CDH13: variants seen among roughly 807,000 people sequenced by gnomAD.
CDH13 encodes cadherin-13.
Under a neutral mutation model 63.8 loss-of-function variants are expected in CDH13, and 24 were observed. The ratio of observed to expected loss-of-function variants is 0.38; its 90% CI spans 0.27 to 0.53. The LOEUF (loss-of-function observed/expected upper bound fraction) is 0.53. Ranked by LOEUF, CDH13 falls within the 20% of genes least tolerant of loss-of-function variation. The pLI is 0.85. For synonymous variants in CDH13, 503 were observed against 355.3 expected, an observed-to-expected ratio of 1.42 and a Z score of -4.67; for missense variants, 1,049 against 903.1, an observed-to-expected ratio of 1.16 and a Z score of -2.07.
At chr16:82,785,769 T>C (rs990679196) in intron 1 of CDH13, among the ~76,000 whole-genome samples, 1 of 152,222 alleles carries the variant, frequency 6.6e-6, no homozygotes, top group Non-Finnish European at 1.5e-5. Context: ...GTTATTGTTA[T>C]ATATAAAGTC....
intron 4 of CDH13, among the ~76,000 whole-genome samples, chr16:83,179,783 T>A (rs921219993): frequency 1.3e-5 from 2 of 152,170 alleles, no homozygotes; most frequent in African/African-American, 4.8e-5. Flanking sequence ...ACATTGCCCC[T>A]AGATTTAGGA....
At chr16:83,351,788 G>A (rs901350839) in intron 6 of CDH13, among the ~76,000 whole-genome samples, 2 of 152,176 alleles carry the variant, frequency 1.3e-5, no homozygotes, top group Non-Finnish European at 2.9e-5. Context: ...TCCCTATTCA[G>A]GTGATGCTTC....
intron 10 of CDH13, among the ~76,000 whole-genome samples, chr16:83,682,789 C>T (rs1199544971): frequency 6.6e-6 from 1 of 152,144 alleles, no homozygotes; most frequent in Non-Finnish European, 1.5e-5. Context: ...TCACATTAGT[C>T]ACCAGGCCCT....
In CDH13 at chr16:83,047,054, T is replaced by A. The variant is rs1002338584; in HGVS notation, c.366+14836T>A. ...GAATGTGCACTGTCAACCAACCCCT[T>A]CATCGAGTCAGGCAAATTAGGATTC... is the stretch of plus-strand genomic sequence containing the variant. On this transcript the variant is annotated intron_variant, in intron 3 of 13. Coordinates refer to ENST00000567109, the MANE Select transcript of CDH13 (RefSeq NM_001257.5). The surrounding 1 kb of genome is among the most constrained non-coding windows in gnomAD (Gnocchi z 4.9). Among the ~76,000 whole-genome samples, 15 of 152,166 alleles carry A rather than the reference T, an allele frequency of 9.9e-5. No individual in the cohort carries two copies. The highest frequency in any genetic ancestry group is 9.8e-4 in the Admixed American group (15 of 15,278).
chr16:83,492,793 C>A (rs2074044519), intron 7 of CDH13, among the ~76,000 whole-genome samples: 1 of 152,076 alleles, frequency 6.6e-6, no homozygotes, highest in African/African-American at 2.4e-5. Flanking sequence ...ATCTTGTGGC[C>A]TCATTTGCTC....
In CDH13 at chr16:83,269,944, C is replaced by G. The variant is rs2088750569; in HGVS notation, c.636+52447C>G. Among the ~76,000 whole-genome samples the G allele has an allele frequency of 3.3e-5, 5 of 152,304 alleles. No homozygotes were observed. In the South Asian group the frequency reaches 1.0e-3, roughly 32 times the overall value. ...ACAGAATTGATTGCGGCTAGATTTA[C>G]TGAGTCTTTTGAAATGGTTCTATTA... On this transcript the variant is annotated intron_variant, in intron 5 of 13. Coordinates refer to ENST00000567109, the MANE Select transcript of CDH13 (RefSeq NM_001257.5).
chr16:82,856,317 G>T (rs1043032384), intron 1 of CDH13, among the ~76,000 whole-genome samples: 1 of 148,770 alleles, frequency 6.7e-6, no homozygotes, highest in African/African-American at 2.5e-5. Context: ...GGAGCTTGCA[G>T]TGAGCAGAGA....
intron 6 of CDH13, among the ~76,000 whole-genome samples, chr16:83,454,195 A>T (rs2072960603): frequency 6.6e-6 from 1 of 152,230 alleles, no homozygotes; most frequent in South Asian, 2.1e-4. Context: ...TCAGAAAAGG[A>T]ACCTCTGTTT....
intron 1 of CDH13, among the ~76,000 whole-genome samples, chr16:82,839,206 C>T (rs577236335): frequency 6.6e-6 from 1 of 152,288 alleles, no homozygotes; most frequent in Non-Finnish European, 1.5e-5. Context: ...TTGGGGGTTA[C>T]AGTTCTTCTC....
chr16:82,906,545 A>G (rs566135980), intron 2 of CDH13, among the ~76,000 whole-genome samples: 170 of 152,310 alleles, frequency 1.1e-3, no homozygotes, highest in Non-Finnish European at 1.9e-3. Context: ...CTGGTTTCTC[A>G]TTGCCAGGAT....
chr16:82,715,396 G>T (rs1239973279), intron 1 of CDH13, among the ~76,000 whole-genome samples: 1 of 152,096 alleles, frequency 6.6e-6, no homozygotes, highest in African/African-American at 2.4e-5. Context: ...CCATGCTCTG[G>T]TTTCTGCTTG....
At chr16:82,694,879 GCC>G in intron 1 of CDH13, among the ~76,000 whole-genome samples, 2 of 152,272 alleles carry the variant, frequency 1.3e-5, no homozygotes, top group East Asian at 1.9e-4. Context: ...TAAAGGAGGC[GCC>G]TTGGGTATTC....
chr16:83,050,064 C>A (rs1225306140), intron 3 of CDH13, among the ~76,000 whole-genome samples: 1 of 152,078 alleles, frequency 6.6e-6, no homozygotes, highest in African/African-American at 2.4e-5. Flanking sequence ...GGGGGTGGCT[C>A]TCTTATCTGG....
intron 2 of CDH13, among the ~76,000 whole-genome samples, chr16:83,027,432 A>T (rs1216264915): frequency 1.3e-5 from 2 of 152,208 alleles, no homozygotes; most frequent in African/African-American, 4.8e-5. Flanking sequence ...AGGGTGAAGA[A>T]GGTGAGAAAT....
chr16:83,519,510 G>A (rs767288083), intron 7 of CDH13, among the ~76,000 whole-genome samples: 18 of 152,350 alleles, frequency 1.2e-4, no homozygotes, highest in Admixed American at 4.6e-4. Flanking sequence ...CAAACTAACA[G>A]AGGAAGAAAA....
intron 2 of CDH13, among the ~76,000 whole-genome samples, chr16:83,015,671 G>GTGTATGTA (rs1555562851): frequency 1.8e-4 from 10 of 54,922 alleles, no homozygotes; most frequent in Admixed American, 5.1e-4. Context: ...GTGTGTGTGT[G>GTGTATGTA]TGTATGTATA....
intron 6 of CDH13, among the ~76,000 whole-genome samples, chr16:83,401,763 C>T (rs745445752): frequency 1.3e-5 from 2 of 152,166 alleles, no homozygotes; most frequent in Admixed American, 6.5e-5. Flanking sequence ...TTAAACAGTT[C>T]CCTCAACAAA....
chr16:82,909,856 C>T (rs964134274), intron 2 of CDH13, among the ~76,000 whole-genome samples: 9 of 152,144 alleles, frequency 5.9e-5, no homozygotes, highest in Admixed American at 2.0e-4. Flanking sequence ...AGAAAACAGG[C>T]ATTTCTTCCC....
At chr16:83,615,908 G>A (rs780618037) in intron 8 of CDH13, among the ~76,000 whole-genome samples, 6 of 152,074 alleles carry the variant, frequency 3.9e-5, no homozygotes, top group African/African-American at 7.2e-5. Context: ...ACTTGAAAGG[G>A]GTGAGTTCAT....
Sources: gnomAD v4.1 joint callset for allele counts (sites outside exome capture counted in the v4.1 genomes callset) on GRCh38, gnomAD v4.1.1 for gene constraint, Gnocchi (gnomAD v3.1) non-coding constraint, MANE v1.5 for transcripts, NCBI Gene and HGNC (gene_info 2026-07-23, HGNC 2026-07-21) for gene names.